The following CNTN4 variants were observed in gnomAD, a reference collection of about 807,000 sequenced individuals.
CNTN4 encodes the protein contactin 4.
A neutral mutation model predicts 122.5 loss-of-function variants in CNTN4; 77 were observed. The ratio of observed to expected loss-of-function variants is 0.63; its 90% CI spans 0.52 to 0.76. The LOEUF (loss-of-function observed/expected upper bound fraction) is 0.76, where lower values mean the gene tolerates loss of function less well. Among genes scored for constraint, CNTN4 ranks in the 30% least tolerant of loss-of-function variants. CNTN4 has a pLI of 0.00. For missense variants in CNTN4, 1,256 were observed against 1,259.1 expected, an observed-to-expected ratio of 1.00 and a Z score of 0.04; for synonymous variants, 512 against 447.0, an observed-to-expected ratio of 1.15 and a Z score of -1.83.
rs538082333 is a variant in CNTN4, at chr3:2,186,684, A to G, written c.-145+86045A>G. On this transcript the variant is annotated intron_variant, in intron 2 of 24. Transcript: ENST00000418658. ...ATTTGCATTTCTCTGATGGTCAGTG[A>G]TGATGAGCATTTTTTCATGTGTCTG... 3.1e-3 allele frequency among the ~76,000 whole-genome samples: 465 copies of G among 152,324 alleles called. 3 individuals are homozygous for G. The highest frequency in any genetic ancestry group is 0.011 in the African/African-American group (442 of 41,574).
intron 6 of CNTN4, among the ~76,000 whole-genome samples, chr3:2,756,878 C>A (rs1322962129): frequency 1.3e-5 from 2 of 152,156 alleles, no homozygotes; most frequent in Admixed American, 6.5e-5. Flanking sequence ...ATCTAGCTTC[C>A]AGAACTGCGA....
intron 3 of CNTN4, among the ~76,000 whole-genome samples, chr3:2,561,630 T>C (rs992914568): frequency 1.3e-5 from 2 of 152,132 alleles, no homozygotes; most frequent in African/African-American, 4.8e-5. Context: ...TCCAATTATA[T>C]GGATTTTCTC....
intron 2 of CNTN4, among the ~76,000 whole-genome samples, chr3:2,170,189 C>CGCG: frequency 6.7e-6 from 1 of 149,436 alleles, no homozygotes; most frequent in Middle Eastern, 3.4e-3. Context: ...GGCGTGGTGG[C>CGCG]GGCGCCTGTA....
intron 2 of CNTN4, among the ~76,000 whole-genome samples, chr3:2,278,432 A>G (rs868186375): frequency 6.6e-6 from 1 of 152,142 alleles, no homozygotes; most frequent in African/African-American, 2.4e-5. Context: ...GGTGCTACTT[A>G]CTAGGATCTT....
Position 3,053,517 on chromosome 3 carries a change from T to G in CNTN4, c.2812-290T>G, listed in dbSNP as rs563617866. On this transcript the variant is annotated intron_variant, in intron 23 of 24. Transcript: ENST00000418658. ...GTACATCCTTAAGGAGCTACTCATA[T>G]TTTCCACTTTCCCAAGAGTGTCAAC... is the stretch of plus-strand genomic sequence containing the variant. Among the ~76,000 whole-genome samples the G allele has an allele frequency of 2.0e-5, 3 of 152,340 alleles. No individual in the cohort carries two copies. In the South Asian group the frequency reaches 6.2e-4, roughly 32 times the overall value.
intron 4 of CNTN4, among the ~76,000 whole-genome samples, chr3:2,680,666 A>G (rs1275789453): frequency 6.6e-6 from 1 of 152,208 alleles, no homozygotes; most frequent in Non-Finnish European, 1.5e-5. Flanking sequence ...TGTAATAACT[A>G]TAGGATGAAA....
At chr3:2,791,352 C>T (rs1003000157) in intron 6 of CNTN4, among the ~76,000 whole-genome samples, 2 of 151,856 alleles carry the variant, frequency 1.3e-5, no homozygotes, top group African/African-American at 2.4e-5. Context: ...TGCAACATGG[C>T]GAAACCCTGT....
chr3:2,981,418 T>TG (rs1221351270), intron 13 of CNTN4, among the ~76,000 whole-genome samples: 2 of 152,086 alleles, frequency 1.3e-5, no homozygotes, highest in East Asian at 1.9e-4. Flanking sequence ...CACTCCAGCC[T>TG]GGGCGACAGA....
chr3:2,371,578 C>G (rs1041677809), intron 3 of CNTN4, among the ~76,000 whole-genome samples: 14 of 152,138 alleles, frequency 9.2e-5, no homozygotes, highest in African/African-American at 3.4e-4. Flanking sequence ...ATAGTAGGTT[C>G]TCAGTATAAC....
rs76005079 is a variant in CNTN4 at position 2,180,781 on chromosome 3, C to G, written c.-145+80142C>G. Among the ~76,000 whole-genome samples the G allele has an allele frequency of 1.2e-3, 189 of 152,186 alleles. 4 individuals are homozygous for G. In the East Asian group the frequency reaches 0.035, roughly 29 times the overall value. ...TTGGGGATAACTGAGTGACTGACAG[C>G]GATGCCTTAGCAACCATCTGATTGT... On this transcript the variant is annotated intron_variant, in intron 2 of 24. Transcript: ENST00000418658.
chr3:2,970,682 C>A (rs1026246884), intron 13 of CNTN4, among the ~76,000 whole-genome samples: 1 of 151,916 alleles, frequency 6.6e-6, no homozygotes, highest in South Asian at 2.1e-4. Flanking sequence ...CTGGGCTCAA[C>A]TAATCCACCC....
At chr3:2,774,118 G>A (rs750304933) in intron 6 of CNTN4, among the ~76,000 whole-genome samples, 3 of 151,952 alleles carry the variant, frequency 2.0e-5, no homozygotes, top group Admixed American at 6.6e-5. Flanking sequence ...AGATCAGGCC[G>A]GGTGCAGTGG....
intron 2 of CNTN4, among the ~76,000 whole-genome samples, chr3:2,138,388 G>T (rs1489823027): frequency 7.2e-6 from 1 of 138,916 alleles, no homozygotes; most frequent in Non-Finnish European, 1.5e-5. Context: ...TTCTTATAGT[G>T]GGGGGTATCT....
chr3:2,375,000 C>T (rs17013461), intron 3 of CNTN4, among the ~76,000 whole-genome samples: 10,887 of 152,168 alleles, frequency 0.072, 930 homozygotes, highest in East Asian at 0.5. Flanking sequence ...TGATTATTGT[C>T]GCATTGTGTC....
At chr3:2,760,533 C>A (rs190861048) in intron 6 of CNTN4, among the ~76,000 whole-genome samples, 1 of 152,228 alleles carries the variant, frequency 6.6e-6, no homozygotes, top group East Asian at 1.9e-4. Context: ...CAATTTCATT[C>A]CATTGATTTA....
At chr3:2,829,302 T>C (rs904442434) in intron 7 of CNTN4, among the ~76,000 whole-genome samples, 2 of 152,198 alleles carry the variant, frequency 1.3e-5, no homozygotes. Context: ...GAGAGCCACA[T>C]TGATCAGGGA....
intron 2 of CNTN4, among the ~76,000 whole-genome samples, chr3:2,174,004 A>G (rs2036631652): frequency 6.6e-6 from 1 of 152,166 alleles, no homozygotes; most frequent in Non-Finnish European, 1.5e-5. Flanking sequence ...TGAGGTAAGA[A>G]GTTTTTGCAT....
At chr3:2,191,694 GTA>G (rs5846168) in intron 2 of CNTN4, among the ~76,000 whole-genome samples, 5 of 42,318 alleles carry the variant, frequency 1.2e-4, no homozygotes, top group Non-Finnish European at 2.9e-4. Flanking sequence ...AAAATTCTAT[GTA>G]TATATATATA....
At chr3:2,417,665 A>G (rs2047465285) in intron 3 of CNTN4, among the ~76,000 whole-genome samples, 1 of 152,236 alleles carries the variant, frequency 6.6e-6, no homozygotes, top group African/African-American at 2.4e-5. Context: ...TTATGTTTAC[A>G]TAAAGACCTG....
Sources: allele counts gnomAD v4.1 joint callset (sites outside exome capture counted in the v4.1 genomes callset), GRCh38; gene constraint gnomAD v4.1.1; transcripts MANE v1.5; gene names NCBI Gene and HGNC (gene_info 2026-07-23, HGNC 2026-07-21).